KLRF1: variants seen among roughly 807,000 people sequenced by gnomAD.
KLRF1 encodes killer cell lectin like receptor F1.
Under a neutral mutation model 30.7 loss-of-function variants are expected in KLRF1, and 27 were observed. The observed-to-expected ratio is 0.88, with a 90% CI of 0.65 to 1.21. The LOEUF is 1.21. Ranked by LOEUF, KLRF1 falls within the 50% of genes most tolerant of loss-of-function variation. The pLI is 0.00. For missense variants in KLRF1, 246 were observed against 259.3 expected (o/e 0.95, Z 0.35); for synonymous variants, 92 against 89.3 (o/e 1.03, Z -0.17).
chr12:9,804,341 C>T, the KLRF1 span, among the ~76,000 whole-genome samples: 5 of 151,826 alleles, frequency 3.3e-5, no homozygotes, highest in African/African-American at 9.7e-5. Context: ...CTTTCAAGTC[C>T]TCCATCAGAT....
chr12:9,818,481 C>G, the KLRF1 span, among the ~76,000 whole-genome samples: 3 of 152,158 alleles, frequency 2.0e-5, no homozygotes, highest in South Asian at 6.2e-4. Flanking sequence ...GTGTGAGGAA[C>G]CATGACAATG....
chr12:9,813,696 C>T, the KLRF1 span, among the ~76,000 whole-genome samples: 1 of 152,070 alleles, frequency 6.6e-6, no homozygotes, highest in South Asian at 2.1e-4. Flanking sequence ...AGCAGAGAAG[C>T]GACAGGAAAG....
At chr12:9,835,596 AT>A (rs1867558206) in intron 3 of KLRF1, among the ~76,000 whole-genome samples, 1 of 152,070 alleles carries the variant, frequency 6.6e-6, no homozygotes, top group Non-Finnish European at 1.5e-5. Flanking sequence ...TACTGCTAAT[AT>A]TTTTAAGTTT....
intron 1 of KLRF1, among the ~76,000 whole-genome samples, chr12:9,829,705 G>T (rs1867367966): frequency 6.6e-6 from 1 of 152,186 alleles, no homozygotes; most frequent in African/African-American, 2.4e-5. Flanking sequence ...GTTACAAAGA[G>T]CTCTAATGGT....
the KLRF1 span, among the ~76,000 whole-genome samples, chr12:9,817,088 A>G: frequency 1.3e-5 from 2 of 152,200 alleles, no homozygotes; most frequent in East Asian, 1.9e-4. Context: ...GAGCTGAAGT[A>G]AGACCCAAGG....
rs142920196 is a variant in KLRF1 at position 9,838,505 on chromosome 12, C to T, written c.335-3307C>T. Among the ~76,000 whole-genome samples the T allele has an allele frequency of 4.3e-4, 65 of 152,212 alleles. No individual in the cohort carries two copies. In the East Asian group the frequency reaches 0.012, roughly 28 times the overall value. ...TTGAAATGGACCTTCTCAGTCAGCA[C>T]GTGATCTCATGGAAAGCTTTTACAC... On this transcript the variant is annotated intron_variant, in intron 3 of 5. Coordinates refer to ENST00000617889, the MANE Select transcript of KLRF1 (RefSeq NM_016523.3).
At chr12:9,809,768 T>A in the KLRF1 span, among the ~76,000 whole-genome samples, 4 of 151,872 alleles carry the variant, frequency 2.6e-5, no homozygotes, top group African/African-American at 9.7e-5. Context: ...AAAATTGATT[T>A]AAAAAAATAA....
At chr12:9,840,171 G>A (rs1017981518) in intron 3 of KLRF1, among the ~76,000 whole-genome samples, 3 of 152,062 alleles carry the variant, frequency 2.0e-5, no homozygotes, top group African/African-American at 7.2e-5. Context: ...GTGACATAAA[G>A]CAGGCTAGTG....
At chr12:9,833,078 TGCCTG>T (rs1265936669) in intron 2 of KLRF1, among the ~76,000 whole-genome samples, 1 of 152,282 alleles carries the variant, frequency 6.6e-6, no homozygotes, top group African/African-American at 2.4e-5. Flanking sequence ...TTCGTAGGAA[TGCCTG>T]GCATAGAATA....
chr12:9,840,915 G>A (rs771784045), intron 3 of KLRF1, among the ~76,000 whole-genome samples: 1 of 152,234 alleles, frequency 6.6e-6, no homozygotes, highest in Non-Finnish European at 1.5e-5. Flanking sequence ...CCTAAAGGCA[G>A]AAATACCCTT....
At chr12:9,816,362 G>T in the KLRF1 span, among the ~76,000 whole-genome samples, 1 of 152,148 alleles carries the variant, frequency 6.6e-6, no homozygotes, top group African/African-American at 2.4e-5. Flanking sequence ...CTATGCTTTT[G>T]TTCCCATACC....
At chr12:9,816,792 G>A in the KLRF1 span, among the ~76,000 whole-genome samples, 1 of 147,964 alleles carries the variant, frequency 6.8e-6, no homozygotes, top group Non-Finnish European at 1.5e-5. Context: ...GGAGTGCAGT[G>A]GCGCGATCTC....
At chr12:9,837,937 C>T (rs1363287429) in intron 3 of KLRF1, among the ~76,000 whole-genome samples, 1 of 152,168 alleles carries the variant, frequency 6.6e-6, no homozygotes, top group East Asian at 1.9e-4. Context: ...AAACAAACCA[C>T]CTACAGCCAG....
At chr12:9,839,709 C>G (rs1867661708) in intron 3 of KLRF1, among the ~76,000 whole-genome samples, 1 of 152,066 alleles carries the variant, frequency 6.6e-6, no homozygotes. Context: ...TATAATCACA[C>G]AAAAAGAGCA....
chr12:9,842,525 G>T (rs1867726756), intron 5 of KLRF1, 92 bp downstream of exon 5: 4 of 1,058,410 alleles, frequency 3.8e-6, no homozygotes, highest in Non-Finnish European at 2.7e-6. Context: ...AATAGTTACT[G>T]GTACTACAGA....
At chr12:9,821,500 C>T in the KLRF1 span, among the ~76,000 whole-genome samples, 1 of 152,174 alleles carries the variant, frequency 6.6e-6, no homozygotes, top group African/African-American at 2.4e-5. Flanking sequence ...CAGAGAAACC[C>T]TGGTTTGGGC....
At position 9,842,022 on chromosome 12, in the gene KLRF1, C is replaced by A. The variant is rs1346967687; in HGVS notation, c.474+71C>A. On this transcript the variant is annotated intron_variant, in intron 4 of 5. Transcript: ENST00000617889. ...TGGCTTTCCTCAAATATCTTTCCAT[C>A]TTTGCATTAAATCATCATTTACCTT... 4 of 1,443,748 alleles carry A rather than the reference C, an allele frequency of 2.8e-6. No homozygotes were observed. The African/African-American group carries it at 4.3e-5, about 16-fold the overall frequency. 89.4% of individuals were successfully genotyped at this position (1,443,748 alleles called of 1,614,324 possible). A position where few individuals can be genotyped will look rare whatever the true frequency, so the allele number is the denominator to read the frequency against.
At chr12:9,811,335 A>AAAAAAAAAG in the KLRF1 span, among the ~76,000 whole-genome samples, 189 of 146,314 alleles carry the variant, frequency 1.3e-3, no homozygotes, top group South Asian at 4.2e-3. Flanking sequence ...AAAAAAAAAA[A>AAAAAAAAAG]AGAGAGAAAA....
chr12:9,831,123 T>C (rs1325370812), intron 1 of KLRF1, among the ~76,000 whole-genome samples: 4 of 152,072 alleles, frequency 2.6e-5, no homozygotes, highest in Non-Finnish European at 4.4e-5. Context: ...TTTTTCCTAA[T>C]GTTTTCTGAT....
Sources: gnomAD v4.1 joint callset for allele counts (sites outside exome capture counted in the v4.1 genomes callset) on GRCh38, gnomAD v4.1.1 for gene constraint, MANE v1.5 for transcripts, NCBI Gene and HGNC (gene_info 2026-07-23, HGNC 2026-07-21) for gene names.